The following FIRRM variants were observed in gnomAD, a reference collection of about 807,000 sequenced individuals.
FIRRM encodes FIGNL1 interacting regulator of recombination and mitosis, also known as FIGNL1-interacting regulator of recombination and mitosis.
the FIRRM span, among the ~76,000 whole-genome samples, chr1:169,815,619 C>G: frequency 6.6e-6 from 1 of 152,170 alleles, no homozygotes; most frequent in Non-Finnish European, 1.5e-5. Flanking sequence ...TTGTCACCAT[C>G]TTAGATTTGG....
At chr1:169,826,176 A>C in the FIRRM span, 1 of 195,252 alleles carries the variant, frequency 5.1e-6, no homozygotes, top group Non-Finnish European at 1.1e-5. Flanking sequence ...AGGTTCAAGC[A>C]ATTCTCCTGA....
At chr1:169,805,859 C>A in the FIRRM span, 1 of 618,936 alleles carries the variant, frequency 1.6e-6, no homozygotes, top group Non-Finnish European at 2.8e-6. Flanking sequence ...TTAAATAATT[C>A]TTTTGACACA....
the FIRRM span, among the ~76,000 whole-genome samples, chr1:169,817,667 A>G: frequency 5.0e-4 from 76 of 152,376 alleles, no homozygotes; most frequent in African/African-American, 1.8e-3. Context: ...AAAACTGTAT[A>G]GACAAATCTA....
At chr1:169,824,231 C>A in the FIRRM span, among the ~76,000 whole-genome samples, 2 of 152,094 alleles carry the variant, frequency 1.3e-5, no homozygotes, top group African/African-American at 4.8e-5. Flanking sequence ...GTATCTAGAC[C>A]CATATATTCA....
the FIRRM span, chr1:169,827,672 A>C: frequency 6.2e-7 from 1 of 1,610,520 alleles, no homozygotes; most frequent in Non-Finnish European, 8.5e-7. Flanking sequence ...CGTATTAATC[A>C]GATTTCTGCT....
chr1:169,793,236 GAGA>G, the FIRRM span: 2 of 1,614,186 alleles, frequency 1.2e-6, no homozygotes, highest in Middle Eastern at 3.3e-4. Flanking sequence ...AGATCAGAGT[GAGA>G]AGAAAAGCTT....
the FIRRM span, among the ~76,000 whole-genome samples, chr1:169,825,825 G>T: frequency 6.6e-6 from 1 of 152,116 alleles, no homozygotes; most frequent in Admixed American, 6.5e-5. Context: ...GTTATCCTCT[G>T]CTAGACAGAG....
At chr1:169,793,487 G>C in the FIRRM span, 1 of 1,614,024 alleles carries the variant, frequency 6.2e-7, no homozygotes. Flanking sequence ...TTGAGAGGGA[G>C]CTGCATTTTC....
the FIRRM span, chr1:169,795,324 C>A: frequency 2.1e-6 from 3 of 1,427,030 alleles, no homozygotes; most frequent in Non-Finnish European, 2.8e-6. Flanking sequence ...TTACCGCGGC[C>A]TGAACCCCCT....
chr1:169,837,045 C>G, the FIRRM span: 1 of 1,612,988 alleles, frequency 6.2e-7, no homozygotes. Context: ...GAGGTCACCA[C>G]AGTAGGCACT....
chr1:169,851,503 A>AT, the FIRRM span: 1 of 233,522 alleles, frequency 4.3e-6, no homozygotes, highest in African/African-American at 2.3e-5. Context: ...TGGCCTACTT[A>AT]TATTACATCT....
the FIRRM span, among the ~76,000 whole-genome samples, chr1:169,788,602 C>T: frequency 2.0e-5 from 3 of 152,232 alleles, no homozygotes; most frequent in South Asian, 4.1e-4. Flanking sequence ...GGGTGGGCAC[C>T]CCTGCCCCCA....
the FIRRM span, among the ~76,000 whole-genome samples, chr1:169,799,500 G>A: frequency 5.9e-5 from 9 of 152,112 alleles, no homozygotes; most frequent in East Asian, 1.3e-3. Flanking sequence ...AGTTCACTTG[G>A]TTGTGGAATA....
the FIRRM span, chr1:169,827,187 G>T: frequency 6.2e-7 from 1 of 1,612,492 alleles, no homozygotes; most frequent in Non-Finnish European, 8.5e-7. Flanking sequence ...GGTGGTTTTG[G>T]ACAGTAAATT....
At chr1:169,791,343 C>A in the FIRRM span, among the ~76,000 whole-genome samples, 9 of 152,152 alleles carry the variant, frequency 5.9e-5, no homozygotes, top group Non-Finnish European at 1.2e-4. Context: ...TATACATAAA[C>A]TAGGAATATG....
chr1:169,785,507 G>A, the FIRRM span, among the ~76,000 whole-genome samples: 1 of 152,130 alleles, frequency 6.6e-6, no homozygotes, highest in East Asian at 1.9e-4. Flanking sequence ...CTGGAAGGGG[G>A]ATGGAGTGGG....
chr1:169,828,894 C>G, the FIRRM span, among the ~76,000 whole-genome samples: 18 of 152,318 alleles, frequency 1.2e-4, no homozygotes, highest in East Asian at 3.5e-3. Flanking sequence ...TAAGTTTCTT[C>G]AACCATTTTA....
chr1:169,796,624 T>G, the FIRRM span, among the ~76,000 whole-genome samples: 3 of 152,224 alleles, frequency 2.0e-5, no homozygotes, highest in African/African-American at 7.2e-5. Context: ...CACCTCTCAC[T>G]TGGAGTATTA....
the FIRRM span, chr1:169,830,217 A>G: frequency 6.8e-7 from 1 of 1,466,718 alleles, no homozygotes; most frequent in Non-Finnish European, 9.4e-7. Context: ...CTTATTGTGA[A>G]CTTTAGTATT....
Sources: allele counts gnomAD v4.1 joint callset (sites outside exome capture counted in the v4.1 genomes callset), GRCh38; gene constraint gnomAD v4.1.1; transcripts MANE v1.5; gene names NCBI Gene and HGNC (gene_info 2026-07-23, HGNC 2026-07-21).